The following EYS variants were observed in gnomAD, a reference collection of about 807,000 sequenced individuals.
The protein encoded by EYS is protein eyes shut homolog.
EYS carries 250 observed loss-of-function variants against 282.1 expected under a neutral mutation model. The observed-to-expected ratio is 0.89, with a 90% CI of 0.80 to 0.98. The LOEUF is 0.98. EYS is among the 50% of genes least tolerant of loss of function. The pLI, the probability that EYS is intolerant of heterozygous loss-of-function variation, is 0.00. For synonymous variants in EYS, 1,355 were observed against 1,282.9 expected, an observed-to-expected ratio of 1.06 and a Z score of -1.20; for missense variants, 4,016 against 3,709.0, an observed-to-expected ratio of 1.08 and a Z score of -2.15.
Position 65,495,142 on chromosome 6 carries a change from A to G in EYS, c.269T>C (p.Ile90Thr). 6.2e-7 allele frequency: 1 copy of G among 1,614,060 alleles called. No homozygotes were observed. The highest frequency in any genetic ancestry group is 8.5e-7 in the Non-Finnish European group (1 of 1,179,930). ...AAATTGAAGAGATGGTTCAGAAGAA[A>G]TTACAAGGATATCTCCTAATTGAAT... ...LQIQLGDILV[I>T]SSEPSLQFPE... Residue 90 changes from isoleucine to threonine, a missense_variant, in exon 4 of 43, where the codon ATT becomes ACT. Ile to Thr is a moderately conservative substitution (Grantham distance 89). Transcript: ENST00000503581.
chr6:65,060,410 C>A (rs1401457895), intron 12 of EYS, among the ~76,000 whole-genome samples: 1 of 151,942 alleles, frequency 6.6e-6, no homozygotes, highest in Non-Finnish European at 1.5e-5. Context: ...GCTTTAAATT[C>A]ATCCCCTAAA....
intron 2 of EYS, among the ~76,000 whole-genome samples, chr6:65,592,433 C>T (rs1765262831): frequency 1.3e-5 from 2 of 151,886 alleles, no homozygotes; most frequent in Non-Finnish European, 2.9e-5. Context: ...TTCAAAGTTT[C>T]CTGTTTTATT....
At chr6:65,687,704 T>C (rs1051440500) in intron 1 of EYS, among the ~76,000 whole-genome samples, 51 of 152,114 alleles carry the variant, frequency 3.4e-4, no homozygotes, top group Non-Finnish European at 2.9e-5. Context: ...GCCCAAAACC[T>C]CCTTAAGCTG....
At chr6:64,151,320 TATA>T (rs1562226587) in intron 31 of EYS, among the ~76,000 whole-genome samples, 3 of 26,788 alleles carry the variant, frequency 1.1e-4, no homozygotes, top group East Asian at 8.2e-4. Flanking sequence ...TGTATATTTA[TATA>T]TATATATATA....
intron 5 of EYS, among the ~76,000 whole-genome samples, chr6:65,452,838 A>T (rs1279958282): frequency 6.6e-6 from 1 of 152,060 alleles, no homozygotes; most frequent in Non-Finnish European, 1.5e-5. Context: ...AGAAGATGTA[A>T]ATTTGTTGAA....
At chr6:65,637,952 G>GGT (rs1476637784) in intron 2 of EYS, among the ~76,000 whole-genome samples, 1 of 152,194 alleles carries the variant, frequency 6.6e-6, no homozygotes, top group Non-Finnish European at 1.5e-5. Context: ...GTGCATCCCA[G>GGT]GTGAAACCCC....
chr6:64,121,661 C>T (rs1177081002), intron 31 of EYS, among the ~76,000 whole-genome samples: 1 of 152,184 alleles, frequency 6.6e-6, no homozygotes, highest in African/African-American at 2.4e-5. Context: ...AGTCTCCTAT[C>T]TCTTAAAATC....
intron 33 of EYS, among the ~76,000 whole-genome samples, chr6:64,045,516 G>C (rs1050909605): frequency 6.6e-6 from 1 of 150,490 alleles, no homozygotes; most frequent in Non-Finnish European, 1.5e-5. Flanking sequence ...CATGATCTTG[G>C]CTCACTGCAA....
chr6:65,638,497 C>T lies in EYS; in HGVS notation c.-333+1281G>A, dbSNP rs556596098. Among the ~76,000 whole-genome samples, 17 of 152,322 alleles carry T rather than the reference C, an allele frequency of 1.1e-4. No homozygotes were observed. In the East Asian group the frequency reaches 2.3e-3, roughly 21 times the overall value. The stretch of plus-strand genomic sequence containing the variant: ...ACCTAGGGGCTCCCCGAGCCAGGGC[C>T]GTGACACCCTCTTTGGGGCTCTGTG... On this transcript the variant is annotated intron_variant, in intron 2 of 42. Transcript: ENST00000503581.
intron 7 of EYS, among the ~76,000 whole-genome samples, chr6:65,394,181 A>G (rs567176474): frequency 2.0e-5 from 3 of 152,146 alleles, no homozygotes; most frequent in African/African-American, 7.2e-5. Flanking sequence ...TATGTTGAGA[A>G]TATTGGAGTC....
intron 31 of EYS, among the ~76,000 whole-genome samples, chr6:64,169,995 C>T (rs1301922657): frequency 6.6e-6 from 1 of 152,074 alleles, no homozygotes; most frequent in African/African-American, 2.4e-5. Context: ...GATGAGGTTT[C>T]AATACTATAC....
intron 14 of EYS, among the ~76,000 whole-genome samples, chr6:64,990,233 A>T (rs1203191756): frequency 6.6e-6 from 1 of 151,532 alleles, no homozygotes; most frequent in Non-Finnish European, 1.5e-5. Flanking sequence ...TGAACCCCTT[A>T]AATGCATGAT....
At chr6:65,621,780 C>T (rs1047924938) in intron 2 of EYS, among the ~76,000 whole-genome samples, 1 of 151,844 alleles carries the variant, frequency 6.6e-6, no homozygotes, top group Admixed American at 6.6e-5. Flanking sequence ...ATTTGCTTGT[C>T]TGTAAAGTAT....
At chr6:64,706,959 G>T (rs62418864) in intron 22 of EYS, among the ~76,000 whole-genome samples, 8,760 of 152,138 alleles carry the variant, frequency 0.058, 316 homozygotes, top group East Asian at 0.14. Flanking sequence ...CAACCCCACT[G>T]CTGGGTATTT....
At chr6:64,026,709 C>G (rs1769533201) in intron 33 of EYS, among the ~76,000 whole-genome samples, 1 of 152,134 alleles carries the variant, frequency 6.6e-6, no homozygotes, top group Non-Finnish European at 1.5e-5. Context: ...CTATAGCTCC[C>G]CTTCCTATTA....
chr6:64,445,356 A>G (rs562272589), intron 26 of EYS, among the ~76,000 whole-genome samples: 2 of 152,302 alleles, frequency 1.3e-5, no homozygotes, highest in Non-Finnish European at 2.9e-5. Context: ...ATAATTCTAT[A>G]CATTTTTATT....
chr6:65,011,065 A>G (rs1771850047), intron 13 of EYS, among the ~76,000 whole-genome samples: 1 of 152,210 alleles, frequency 6.6e-6, no homozygotes, highest in African/African-American at 2.4e-5. Flanking sequence ...CCAAGCCCCA[A>G]TACTCAGCAG....
At chr6:63,730,206 C>A (rs1334417527) in intron 41 of EYS, among the ~76,000 whole-genome samples, 1 of 152,208 alleles carries the variant, frequency 6.6e-6, no homozygotes, top group Admixed American at 6.5e-5. Flanking sequence ...TTTGCCCCAT[C>A]TTTCTATTAC....
At chr6:65,188,324 A>C (rs1171665452) in intron 12 of EYS, among the ~76,000 whole-genome samples, 1 of 151,790 alleles carries the variant, frequency 6.6e-6, no homozygotes, top group Non-Finnish European at 1.5e-5. Flanking sequence ...AAATAATCTT[A>C]AATGCATAAA....
Sources: gnomAD v4.1 joint callset for allele counts (sites outside exome capture counted in the v4.1 genomes callset) on GRCh38, gnomAD v4.1.1 for gene constraint, MANE v1.5 for transcripts, NCBI Gene and HGNC (gene_info 2026-07-23, HGNC 2026-07-21) for gene names.